The following ACAD10 variants were observed in gnomAD, a reference collection of about 807,000 sequenced individuals.
The protein encoded by ACAD10 is acyl-CoA dehydrogenase family member 10.
ACAD10 carries 112 observed loss-of-function variants against 116.8 expected under a neutral mutation model. The ratio of observed to expected loss-of-function variants is 0.96; its 90% confidence interval spans 0.82 to 1.12. The LOEUF is 1.12. Ranked by LOEUF, ACAD10 falls within the 50% of genes most tolerant of loss-of-function variation. ACAD10 has a pLI of 0.00. For synonymous variants in ACAD10, 486 were observed against 510.6 expected (o/e 0.95, Z 0.65); for missense variants, 1,259 against 1,350.2 (o/e 0.93, Z 1.06).
intron 8 of ACAD10, among the ~76,000 whole-genome samples, chr12:111,724,566 G>T (rs1375870971): frequency 6.6e-6 from 1 of 152,240 alleles, no homozygotes; most frequent in East Asian, 1.9e-4. Context: ...ACCTCGGGAG[G>T]CTGAGGCTGG....
intron 6 of ACAD10, chr12:111,715,475 G>A: frequency 7.8e-6 from 2 of 257,916 alleles, no homozygotes; most frequent in South Asian, 1.1e-4. Context: ...GGTTGCCATG[G>A]CTGCGTTTGT....
chr12:111,745,562 C>A, intron 13 of ACAD10: 1 of 165,996 alleles, frequency 6.0e-6, no homozygotes, highest in Middle Eastern at 2.8e-3. Context: ...ATAATGCAAT[C>A]ATCATCTACT....
At chr12:111,725,786 C>T (rs1422228220) in intron 8 of ACAD10, among the ~76,000 whole-genome samples, 8 of 151,884 alleles carry the variant, frequency 5.3e-5, no homozygotes, top group African/African-American at 9.7e-5. Context: ...CCATCCGCCT[C>T]GGCCTCCCAA....
At position 111,690,780 on chromosome 12, in the gene ACAD10, C is replaced by CAA. The variant is rs540935938; in HGVS notation, c.-13-1899_-13-1898dup. Among the ~76,000 whole-genome samples the CAA allele has an allele frequency of 1.3e-3, 80 of 63,480 alleles. 1 individual carries two copies. The highest frequency in any genetic ancestry group is 2.9e-3 in the African/African-American group (55 of 19,182). 41.6% of individuals were successfully genotyped at this position (63,480 alleles called of 152,430 possible). On this transcript the variant is annotated intron_variant, in intron 1 of 20. Transcript: ENST00000313698. ...AGCCTGGGCAACAGAGTGAGACTCT[C>CAA]AAAAAAAAAAAAAAAAAAAGAGTTT...
rs1466600908 is a variant in ACAD10 at position 111,747,276 on chromosome 12, G to C, written c.2395-19G>C. The C allele has an allele frequency of 2.5e-6, 4 of 1,614,070 alleles. No homozygotes were observed. The highest frequency in any genetic ancestry group is 4.5e-5 in the East Asian group (2 of 44,878). On this transcript the variant is annotated intron_variant, in intron 15 of 20. Coordinates refer to ENST00000313698, the MANE Select transcript of ACAD10 (RefSeq NM_025247.6). ...GGCTGTCTGCTGGCGTCTCTGACTG[G>C]AATATGCTCCCCACTCAGGTTGCCT...
chr12:111,733,094 C>CT (rs369601982), intron 10 of ACAD10, among the ~76,000 whole-genome samples: 38 of 146,586 alleles, frequency 2.6e-4, no homozygotes, highest in South Asian at 4.3e-4. Context: ...GGTAACTGGA[C>CT]TTTTTTTTTT....
rs1368363555 is a variant in ACAD10 at position 111,749,266 on chromosome 12, G to A, written c.2738G>A (p.Arg913Lys). 6.2e-7 allele frequency: 1 copy of A among 1,614,008 alleles called. No individual in the cohort carries two copies. Among genetic ancestry groups the A allele is most frequent in the Admixed American group, 1.7e-5 (1 of 59,992 alleles). Residue 913 changes from arginine to lysine, a missense_variant, in exon 18 of 21, where the codon AGA (arginine) becomes AAA (lysine). By Grantham distance (26) the Arg-to-Lys change is conservative. Transcript: ENST00000313698. ...PGRGFEIAQG[R>K]LGPGRIHHCM... ...CGAGGCTTTGAGATCGCCCAGGGCA[G>A]ACTGGGCCCCGGCAGGATCCATCAC...
chr12:111,699,892 C>T (rs762334314), intron 2 of ACAD10, among the ~76,000 whole-genome samples: 4 of 152,140 alleles, frequency 2.6e-5, no homozygotes, highest in Non-Finnish European at 5.9e-5. Context: ...AGCTCCCCAG[C>T]CTGGGCAACA....
chr12:111,692,465 A>G (rs927995213), intron 1 of ACAD10, among the ~76,000 whole-genome samples: 1 of 152,212 alleles, frequency 6.6e-6, no homozygotes, highest in Non-Finnish European at 1.5e-5. Context: ...TAGAGATTGC[A>G]GAAAGTCAGA....
chr12:111,692,556 T>G, intron 1 of ACAD10, 141 bp from the exon 2 acceptor site: 6 of 775,312 alleles, frequency 7.7e-6, no homozygotes, highest in East Asian at 2.8e-5. Context: ...GAGGAGACAC[T>G]GAGGTCAGTT....
intron 5 of ACAD10, among the ~76,000 whole-genome samples, chr12:111,710,643 C>T (rs1045879655): frequency 3.3e-5 from 5 of 151,390 alleles, no homozygotes; most frequent in East Asian, 1.9e-4. Context: ...TATAGGCGCA[C>T]GCCACCATGC....
In ACAD10 at chr12:111,736,833, A is replaced by G. The variant is rs768987165; in HGVS notation, c.1543A>G (p.Ile515Val). 3 of 1,613,212 alleles carry G rather than the reference A, an allele frequency of 1.9e-6. No homozygotes were observed. Among genetic ancestry groups the G allele is most frequent in the Non-Finnish European group, 2.5e-6 (3 of 1,179,576 alleles). Residue 515 changes from isoleucine to valine, a missense_variant and splice_region_variant, in exon 12 of 21, where the codon ATT becomes GTT. Transcript: ENST00000313698. The stretch of plus-strand genomic sequence containing the variant: ...GAATGGCTCTGTCTTTCTCGCAGGT[A>G]TTAATGACTGTGACTTGACACAGCT... ...LPSSFPVLRG[I>V]NDCDLTQLGI...
chr12:111,696,013 C>CA lies in ACAD10; in HGVS notation c.187+3130dup, dbSNP rs34294669. 1.7e-3 allele frequency among the ~76,000 whole-genome samples: 214 copies of CA among 127,140 alleles called. 1 individual carries two copies. Among genetic ancestry groups the CA allele is most frequent in the Middle Eastern group, 4.2e-3 (1 of 240 alleles). The allele number at this position is 127,140 out of a possible 152,430, so 83.4% of individuals were successfully genotyped here. A position where few individuals can be genotyped will look rare whatever the true frequency, so the allele number is the denominator to read the frequency against. On this transcript the variant is annotated intron_variant, in intron 2 of 20. Coordinates refer to ENST00000313698, the MANE Select transcript of ACAD10 (RefSeq NM_025247.6). ...TGGGAGACAGAGCAAGACTCTGTCTCAAAAAAAAAAAAAGTATATATATAT... is the reference window on the plus strand; with the variant it reads ...TGGGAGACAGAGCAAGACTCTGTCTCAAAAAAAAAAAAAAGTATATATATAT...
chr12:111,740,008 A>C (rs976924493), intron 12 of ACAD10, among the ~76,000 whole-genome samples: 10 of 152,110 alleles, frequency 6.6e-5, no homozygotes, highest in African/African-American at 2.4e-4. Flanking sequence ...AAAGAATCCT[A>C]GATGAGATAT....
chr12:111,755,178 C>G (rs1890175166), intron 19 of ACAD10, among the ~76,000 whole-genome samples: 1 of 152,228 alleles, frequency 6.6e-6, no homozygotes, highest in Non-Finnish European at 1.5e-5. Context: ...TCTTGGCTCA[C>G]TGCAACCTCC....
chr12:111,746,199 C>T lies in ACAD10; in HGVS notation c.2171C>T (p.Pro724Leu). The T allele has an allele frequency of 1.2e-6, 2 of 1,613,898 alleles. No individual in the cohort carries two copies. The highest frequency in any genetic ancestry group is 1.7e-6 in the Non-Finnish European group (2 of 1,179,956). Residue 724 changes from proline (P) to leucine (L), a missense_variant, in exon 14 of 21, where the codon CCC becomes CTC. By Grantham distance (98) the Pro-to-Leu change is moderately conservative (BLOSUM62 -3). Coordinates refer to ENST00000313698, the MANE Select transcript of ACAD10 (RefSeq NM_025247.6). ...CTTTTCCTACCCTTAGAGGCTGATC[C>T]CGAGAAAAAATACGGAGCAGGACTG... is the stretch of plus-strand genomic sequence containing the variant. ...WNLFLPLEAD[P>L]EKKYGAGLTN... is the part of the protein sequence containing the mutation.
At chr12:111,704,379 A>G (rs1272562010) in intron 3 of ACAD10, among the ~76,000 whole-genome samples, 1 of 152,032 alleles carries the variant, frequency 6.6e-6, no homozygotes, top group African/African-American at 2.4e-5. Context: ...TGACCTTGTG[A>G]TCCGCCCACC....
chr12:111,724,036 G>A (rs1184080213), intron 8 of ACAD10, among the ~76,000 whole-genome samples: 17 of 148,266 alleles, frequency 1.1e-4, no homozygotes, highest in South Asian at 2.2e-4. Flanking sequence ...GATGGCGGCC[G>A]GGAAGAGGTG....
At chr12:111,724,861 A>C (rs1430512958) in intron 8 of ACAD10, among the ~76,000 whole-genome samples, 4 of 150,712 alleles carry the variant, frequency 2.7e-5, no homozygotes, top group Admixed American at 2.6e-4. Flanking sequence ...GACCGTGGAA[A>C]GAGAGGGAGA....
Sources: gnomAD v4.1 joint callset for allele counts (sites outside exome capture counted in the v4.1 genomes callset) on GRCh38, gnomAD v4.1.1 for gene constraint, MANE v1.5 for transcripts, NCBI Gene and HGNC (gene_info 2026-07-23, HGNC 2026-07-21) for gene names.